NDUFAF2: variants seen among roughly 807,000 people sequenced by gnomAD.
The protein encoded by NDUFAF2 is NADH dehydrogenase [ubiquinone] 1 alpha subcomplex assembly factor 2.
In NDUFAF2, 13 loss-of-function variants were observed where a neutral mutation model predicts 22.8. The ratio of observed to expected loss-of-function variants is 0.57; its 90% CI spans 0.37 to 0.91. The LOEUF (loss-of-function observed/expected upper bound fraction) is 0.91. Ranked by LOEUF, NDUFAF2 falls within the 40% of genes least tolerant of loss-of-function variation. The probability of loss-of-function intolerance (pLI) is 0.01; values close to 1 mark genes in which losing one functional copy is unlikely to be tolerated. For synonymous variants in NDUFAF2, 53 were observed against 64.2 expected (o/e 0.83, Z 0.84); for missense variants, 162 against 195.2 (o/e 0.83, Z 1.01).
At chr5:60,956,994 C>T (rs1047622085) in intron 1 of NDUFAF2, among the ~76,000 whole-genome samples, 5 of 151,844 alleles carry the variant, frequency 3.3e-5, no homozygotes, top group Non-Finnish European at 7.4e-5. Flanking sequence ...AGGTATTAAC[C>T]AATTTTAAAG....
At chr5:61,079,499 A>G (rs766160571) in intron 2 of NDUFAF2, among the ~76,000 whole-genome samples, 1 of 152,204 alleles carries the variant, frequency 6.6e-6, no homozygotes, top group Non-Finnish European at 1.5e-5. Context: ...CTAATGCTCT[A>G]TGATTCATGA....
intron 1 of NDUFAF2, among the ~76,000 whole-genome samples, chr5:60,990,127 G>A (rs1366707364): frequency 6.6e-6 from 1 of 152,172 alleles, no homozygotes; most frequent in Non-Finnish European, 1.5e-5. Context: ...AAGATAGAGA[G>A]TAGAGTGATG....
chr5:61,130,586 G>A (rs764868239), intron 3 of NDUFAF2, among the ~76,000 whole-genome samples: 1 of 152,106 alleles, frequency 6.6e-6, no homozygotes, highest in Non-Finnish European at 1.5e-5. Flanking sequence ...CTGACTTGAT[G>A]TGTTTTTTCG....
chr5:61,001,679 TTTA>T (rs1221199005), intron 1 of NDUFAF2, among the ~76,000 whole-genome samples: 1 of 152,134 alleles, frequency 6.6e-6, no homozygotes, highest in South Asian at 2.1e-4. Flanking sequence ...AGTCAGAATT[TTTA>T]TTATTAAACT....
intron 1 of NDUFAF2, among the ~76,000 whole-genome samples, chr5:61,071,673 C>T (rs1561556765): frequency 6.6e-6 from 1 of 152,112 alleles, no homozygotes; most frequent in Non-Finnish European, 1.5e-5. Context: ...TTTGTAAGGT[C>T]CAAATTTCTC....
At chr5:61,089,188 C>A (rs1752538877) in intron 2 of NDUFAF2, among the ~76,000 whole-genome samples, 1 of 151,974 alleles carries the variant, frequency 6.6e-6, no homozygotes, top group South Asian at 2.1e-4. Context: ...TATTAAAGTT[C>A]AGTGAAAATC....
Position 61,000,641 on chromosome 5 carries a change from T to G in NDUFAF2, c.127+55259T>G, listed in dbSNP as rs146379261. Among the ~76,000 whole-genome samples the G allele has an allele frequency of 4.2e-3, 424 of 99,868 alleles. 4 individuals carry two copies. The highest frequency in any genetic ancestry group is 0.038 in the East Asian group (53 of 1,396). The allele number at this position is 99,868 out of a possible 152,430, so 65.5% of individuals were successfully genotyped here. On this transcript the variant is annotated intron_variant, in intron 1 of 3. Coordinates refer to ENST00000296597, the MANE Select transcript of NDUFAF2 (RefSeq NM_174889.5). ...TCAGGTTAACCCTTTTGGCTCTCTTTCGGTTCTCATTTAAGAAGACCTGGA... is the reference window on the plus strand; with the variant it reads ...TCAGGTTAACCCTTTTGGCTCTCTTGCGGTTCTCATTTAAGAAGACCTGGA...
chr5:61,099,350 G>T (rs953894622), intron 3 of NDUFAF2, among the ~76,000 whole-genome samples: 4 of 151,498 alleles, frequency 2.6e-5, no homozygotes, highest in African/African-American at 7.2e-5. Context: ...TATTTCCCCT[G>T]GGCCCTGGGG....
intron 1 of NDUFAF2, among the ~76,000 whole-genome samples, chr5:60,999,206 G>T (rs1165945896): frequency 6.6e-6 from 1 of 151,978 alleles, no homozygotes; most frequent in South Asian, 2.1e-4. Flanking sequence ...ATGGGAACTA[G>T]CAATTCCACT....
At chr5:61,115,191 C>T (rs1449269125) in intron 3 of NDUFAF2, 1 of 152,382 alleles carries the variant, frequency 6.6e-6, no homozygotes, top group Non-Finnish European at 1.5e-5. Context: ...TGGCCACCAC[C>T]ACCCCAGGCT....
At chr5:61,041,537 A>T (rs187436999) in intron 1 of NDUFAF2, among the ~76,000 whole-genome samples, 14 of 152,318 alleles carry the variant, frequency 9.2e-5, no homozygotes, top group Admixed American at 4.6e-4. Flanking sequence ...TTAATATTTT[A>T]ACTCATTACT....
chr5:61,097,313 C>T (rs1306565162), intron 2 of NDUFAF2, among the ~76,000 whole-genome samples: 2 of 152,196 alleles, frequency 1.3e-5, no homozygotes, highest in Non-Finnish European at 2.9e-5. Flanking sequence ...AACATCATAG[C>T]TTAGCCTAGC....
intron 1 of NDUFAF2, among the ~76,000 whole-genome samples, chr5:60,950,244 T>C (rs533492758): frequency 1.7e-4 from 26 of 152,200 alleles, no homozygotes; most frequent in African/African-American, 5.5e-4. Context: ...TGGAGTGCAA[T>C]AGCGTGATCT....
chr5:60,988,641 C>A (rs1443624216), intron 1 of NDUFAF2, among the ~76,000 whole-genome samples: 1 of 152,180 alleles, frequency 6.6e-6, no homozygotes, highest in Admixed American at 6.5e-5. Flanking sequence ...CTACAACCAT[C>A]TGATCTTTGA....
At chr5:61,128,627 A>T (rs1753067421) in intron 3 of NDUFAF2, among the ~76,000 whole-genome samples, 1 of 152,204 alleles carries the variant, frequency 6.6e-6, no homozygotes. Context: ...TTCCTTCCTT[A>T]CACCTTATAC....
chr5:61,126,277 T>G (rs1307508358), intron 3 of NDUFAF2, among the ~76,000 whole-genome samples: 1 of 121,354 alleles, frequency 8.2e-6, no homozygotes, highest in East Asian at 3.4e-4. Context: ...GAAAATAAAG[T>G]TTTTGTGACA....
At chr5:61,069,552 CTGTAAAGAAA>C (rs1169225204) in intron 1 of NDUFAF2, among the ~76,000 whole-genome samples, 3 of 152,058 alleles carry the variant, frequency 2.0e-5, no homozygotes, top group Admixed American at 6.6e-5. Context: ...ATGCAAATCA[CTGTAAAGAAA>C]AATATTAGGT....
At chr5:61,143,226 C>G (rs923277686) in intron 3 of NDUFAF2, among the ~76,000 whole-genome samples, 1 of 151,958 alleles carries the variant, frequency 6.6e-6, no homozygotes, top group African/African-American at 2.4e-5. Context: ...TATGGGGTCC[C>G]AAAACATACT....
chr5:61,053,793 T>C (rs56025209), intron 1 of NDUFAF2, among the ~76,000 whole-genome samples: 63,278 of 151,822 alleles, frequency 0.42, 14,057 homozygotes, highest in East Asian at 0.81. Flanking sequence ...AAAATTAATA[T>C]AGACATGAAA....
Sources: gnomAD v4.1 joint callset for allele counts (sites outside exome capture counted in the v4.1 genomes callset) on GRCh38, gnomAD v4.1.1 for gene constraint, MANE v1.5 for transcripts, NCBI Gene and HGNC (gene_info 2026-07-23, HGNC 2026-07-21) for gene names.